Variants in IQCK observed in about 807,000 individuals in gnomAD.
IQCK encodes IQ motif containing K, also known as IQ domain-containing protein K.
In IQCK, 29 loss-of-function variants were observed where a neutral mutation model predicts 28.1. That is an observed-to-expected ratio of 1.03 (90% CI 0.77 to 1.41). IQCK has a LOEUF of 1.41. IQCK is among the 40% of genes most tolerant of loss of function. IQCK has a pLI of 0.00. For missense variants in IQCK, 359 were observed against 314.7 expected (o/e 1.14, Z -1.07); for synonymous variants, 113 against 115.1 (o/e 0.98, Z 0.12).
chr16:19,807,567 A>G (rs1726852806), intron 7 of IQCK, among the ~76,000 whole-genome samples: 1 of 152,174 alleles, frequency 6.6e-6, no homozygotes, highest in Non-Finnish European at 1.5e-5. Context: ...GGCCCCATCC[A>G]GACCTCCTGA....
intron 3 of IQCK, chr16:19,734,107 G>T (rs1977928978): frequency 7.0e-6 from 2 of 285,716 alleles, no homozygotes; most frequent in South Asian, 9.7e-5. Context: ...GGCTGTGATG[G>T]CTCATGCCTG....
intron 9 of IQCK, among the ~76,000 whole-genome samples, chr16:19,851,297 C>A (rs1488600890): frequency 6.6e-6 from 1 of 152,146 alleles, no homozygotes; most frequent in African/African-American, 2.4e-5. Context: ...GATACTGATT[C>A]CCAGGCCTCA....
At chr16:19,801,329 ATCTCTGTC>A (rs1329733010) in intron 7 of IQCK, among the ~76,000 whole-genome samples, 1 of 105,094 alleles carries the variant, frequency 9.5e-6, no homozygotes, top group Non-Finnish European at 1.7e-5. Flanking sequence ...ATGAGACAGG[ATCTCTGTC>A]TCTGTCACTC....
Position 19,745,087 on chromosome 16 carries a change from ATT to A in IQCK, c.474+9638_474+9639del, listed in dbSNP as rs559472266. Among the ~76,000 whole-genome samples, 405 of 152,354 alleles carry A rather than the reference ATT, an allele frequency of 2.7e-3. 2 individuals carry two copies. Among genetic ancestry groups the A allele is most frequent in the Non-Finnish European group, 5.0e-3 (337 of 68,026 alleles). ...TTTAATATTCCAATATTTTGGGTAT[ATT>A]AAAAAATTTCAAAAGAAGCACGAGT... On this transcript the variant is annotated intron_variant, in intron 4 of 7. Transcript: ENST00000564186.
intron 9 of IQCK, among the ~76,000 whole-genome samples, chr16:19,855,627 C>T (rs539559988): frequency 3.3e-5 from 5 of 152,224 alleles, no homozygotes; most frequent in East Asian, 3.9e-4. Flanking sequence ...ACATACCCAC[C>T]TCTTTGCCGC....
intron 6 of IQCK, among the ~76,000 whole-genome samples, chr16:19,777,628 C>T (rs948125614): frequency 2.0e-5 from 3 of 152,124 alleles, no homozygotes; most frequent in Non-Finnish European, 4.4e-5. Context: ...GAATTTGGGA[C>T]GTGCTGAGAT....
chr16:19,845,153 C>T (rs2056402569), intron 9 of IQCK, among the ~76,000 whole-genome samples: 1 of 152,220 alleles, frequency 6.6e-6, no homozygotes. Flanking sequence ...CCTATCTGCC[C>T]TGGGTTCTGA....
chr16:19,808,376 G>A (rs1006550435), intron 7 of IQCK, among the ~76,000 whole-genome samples: 12 of 152,116 alleles, frequency 7.9e-5, no homozygotes, highest in Admixed American at 6.5e-4. Flanking sequence ...AGTATGTGAC[G>A]AAAACTGATA....
chr16:19,764,623 A>G (rs905592892), intron 6 of IQCK, among the ~76,000 whole-genome samples: 6 of 151,796 alleles, frequency 4.0e-5, no homozygotes, highest in African/African-American at 1.4e-4. Context: ...CCTCTTAGTT[A>G]TTTAGCTATA....
At chr16:19,760,868 T>C (rs2055128435) in intron 4 of IQCK, among the ~76,000 whole-genome samples, 1 of 152,170 alleles carries the variant, frequency 6.6e-6, no homozygotes, top group Non-Finnish European at 1.5e-5. Flanking sequence ...GGTTATTTCT[T>C]GAGTATATGC....
At position 19,827,166 on chromosome 16, in the gene IQCK, TC is replaced by T. The variant is rs1454390570; in HGVS notation, c.832del (p.His278IlefsTer?). ...AGTTGCTGGATTCACTGTCCTTAGT[TC>T]ATTCAAGAAAAGCCTGATTCTTATT... On this transcript the variant is annotated frameshift_variant, in exon 8 of 8. Coordinates refer to ENST00000564186, the Ensembl canonical transcript of IQCK. LOFTEE classifies it high-confidence loss of function. 6.8e-7 allele frequency: 1 copy of T among 1,461,832 alleles called. No homozygotes were observed. Among genetic ancestry groups the T allele is most frequent in the Admixed American group, 1.7e-5 (1 of 59,746 alleles). The allele number at this position is 1,461,832 out of a possible 1,614,324, so 90.6% of individuals were successfully genotyped here.
At chr16:19,836,767 C>T (rs1270826090) in intron 9 of IQCK, among the ~76,000 whole-genome samples, 1 of 152,188 alleles carries the variant, frequency 6.6e-6, no homozygotes, top group Admixed American at 6.5e-5. Context: ...CCGCCCTGGC[C>T]TCCCAAAGTG....
chr16:19,735,387 T>G lies in IQCK; in HGVS notation c.411T>G (p.Phe137Leu), dbSNP rs762429784. ...AAGAATATTTGGAAACTTTCATCTTTCCTGTTCTGCTTCCCGGAATGGCTA... is the reference window on the plus strand; with the variant it reads ...AAGAATATTTGGAAACTTTCATCTTGCCTGTTCTGCTTCCCGGAATGGCTA... The change falls in exon 4 of 8, where the codon TTT (phenylalanine) becomes TTG (leucine). Residue 137 changes from phenylalanine (F) to leucine (L), a missense_variant. Physicochemically the swap from Phe to Leu is conservative, Grantham distance 22. Coordinates refer to ENST00000564186, the Ensembl canonical transcript of IQCK. 11 of 1,614,118 alleles carry G rather than the reference T, an allele frequency of 6.8e-6. No individual in the cohort carries two copies. In the East Asian group the frequency reaches 2.5e-4, roughly 36 times the overall value.
At chr16:19,774,169 A>G (rs907713686) in intron 6 of IQCK, among the ~76,000 whole-genome samples, 4 of 152,070 alleles carry the variant, frequency 2.6e-5, no homozygotes, top group Non-Finnish European at 5.9e-5. Flanking sequence ...CACTAGAATC[A>G]CACCTCTGCG....
intron 9 of IQCK, among the ~76,000 whole-genome samples, chr16:19,832,866 C>T (rs1217924475): frequency 6.6e-6 from 1 of 152,034 alleles, no homozygotes; most frequent in Admixed American, 6.6e-5. Flanking sequence ...CAAACATAAA[C>T]CATCAGATCT....
downstream of IQCK, among the ~76,000 whole-genome samples, chr16:19,829,169 A>C (rs1359885821): frequency 1.3e-5 from 2 of 151,668 alleles, no homozygotes; most frequent in African/African-American, 4.8e-5. Flanking sequence ...TACAAAAAAT[A>C]GTCATACATC....
At chr16:19,726,194 G>C (rs544148342) in intron 1 of IQCK, among the ~76,000 whole-genome samples, 1 of 147,752 alleles carries the variant, frequency 6.8e-6, no homozygotes, top group African/African-American at 2.7e-5. Flanking sequence ...GATTACATGC[G>C]TGAGCCACCG....
chr16:19,734,746 A>G (rs1597503242), intron 3 of IQCK, among the ~76,000 whole-genome samples: 1 of 149,218 alleles, frequency 6.7e-6, no homozygotes, highest in South Asian at 2.1e-4. Context: ...GTGCCACTGC[A>G]CTCCAGCCTG....
At chr16:19,765,094 C>T (rs1206106897) in intron 6 of IQCK, among the ~76,000 whole-genome samples, 2 of 146,634 alleles carry the variant, frequency 1.4e-5, no homozygotes, top group Non-Finnish European at 3.0e-5. Context: ...TAGTGGCGGG[C>T]GCCTGTAGTC....
Sources: gnomAD v4.1 joint callset for allele counts (sites outside exome capture counted in the v4.1 genomes callset) on GRCh38, gnomAD v4.1.1 for gene constraint, MANE v1.5 for transcripts, NCBI Gene and HGNC (gene_info 2026-07-23, HGNC 2026-07-21) for gene names.